DNAL4: variants seen among roughly 807,000 people sequenced by gnomAD.
DNAL4 encodes dynein light chain, outer arm 4.
In DNAL4, 10 loss-of-function variants were observed where a neutral mutation model predicts 12.6. The ratio of observed to expected loss-of-function variants is 0.79; its 90% CI spans 0.49 to 1.34. The LOEUF (loss-of-function observed/expected upper bound fraction) is 1.34, where lower values mean the gene tolerates loss of function less well. Among genes scored for constraint, DNAL4 ranks in the 40% most tolerant of loss-of-function variants. The pLI, the probability that DNAL4 is intolerant of heterozygous loss-of-function variation, is 0.00. For synonymous variants in DNAL4, 46 were observed against 53.1 expected (o/e 0.87, Z 0.58); for missense variants, 128 against 138.1 (o/e 0.93, Z 0.37).
At chr22:38,792,525 T>C (rs577026267) in intron 1 of DNAL4, among the ~76,000 whole-genome samples, 1 of 152,382 alleles carries the variant, frequency 6.6e-6, no homozygotes, top group African/African-American at 2.4e-5. Flanking sequence ...TCAGGTGATC[T>C]GCCTGTGTCG....
chr22:38,785,673 C>T (rs2093041224), intron 1 of DNAL4: 1 of 152,288 alleles, frequency 6.6e-6, no homozygotes, highest in Admixed American at 6.5e-5. Context: ...AGTGTGCAGG[C>T]ATGGAGACCA....
rs1438745771 is a variant in DNAL4 at position 38,782,662 on chromosome 22, C to A, written c.69+1G>T. Reference sequence around the variant, plus strand: ...TCCTGCCTCCCTCCCCTGGGGCTTACCCTGACCAGAGGGAAGGTCTGCAGT... The same window carrying A: ...TCCTGCCTCCCTCCCCTGGGGCTTAACCTGACCAGAGGGAAGGTCTGCAGT... On this transcript the variant is annotated splice_donor_variant, in intron 2 of 3. Coordinates refer to ENST00000216068, the MANE Select transcript of DNAL4 (RefSeq NM_005740.3). LOFTEE classifies it high-confidence loss of function. The surrounding 1 kb of genome is among the most constrained non-coding windows in gnomAD (Gnocchi z 5.1). The A allele has an allele frequency of 1.2e-6, 2 of 1,613,326 alleles. No homozygotes were observed. Among genetic ancestry groups the A allele is most frequent in the South Asian group, 2.2e-5 (2 of 90,938 alleles).
In DNAL4 at chr22:38,779,648, G is replaced by T; in HGVS notation, c.154-35C>A. On this transcript the variant is annotated intron_variant, in intron 3 of 3. Coordinates refer to ENST00000216068, the MANE Select transcript of DNAL4 (RefSeq NM_005740.3). This position sits in a 1 kb window ranked among gnomAD's most constrained non-coding sequence, Gnocchi z 4.3. ...AGAGGGCACTTATCAAGGGGGCGCA[G>T]GGCAGGTGGGGGCAGGAGTCAGGTC... The T allele has an allele frequency of 6.4e-7, 1 of 1,565,636 alleles. No individual in the cohort carries two copies. The highest frequency in any genetic ancestry group is 2.3e-5 in the East Asian group (1 of 42,768).
chr22:38,786,402 T>C (rs1692867144), intron 1 of DNAL4, among the ~76,000 whole-genome samples: 1 of 151,976 alleles, frequency 6.6e-6, no homozygotes, highest in African/African-American at 2.4e-5. Context: ...CTACTAAAAA[T>C]ATAAAAATTA....
chr22:38,786,238 C>A (rs1411454384), intron 1 of DNAL4, among the ~76,000 whole-genome samples: 1 of 152,206 alleles, frequency 6.6e-6, no homozygotes, highest in Non-Finnish European at 1.5e-5. Flanking sequence ...CAGAAAGAGT[C>A]ATGTCAGGTC....
At chr22:38,786,308 C>T (rs1484864857) in intron 1 of DNAL4, among the ~76,000 whole-genome samples, 1 of 152,190 alleles carries the variant, frequency 6.6e-6, no homozygotes, top group Non-Finnish European at 1.5e-5. Flanking sequence ...CCTGTAATCC[C>T]AGCACTTTGG....
chr22:38,780,849 G>T, intron 3 of DNAL4, 77 bp downstream of exon 3: 3 of 1,457,694 alleles, frequency 2.1e-6, no homozygotes, highest in Non-Finnish European at 2.9e-6. Flanking sequence ...GGAGCCAACT[G>T]CAGGGAACAG....
Position 38,779,743 on chromosome 22 carries a change from GTCC to G in DNAL4, c.154-133_154-131del, listed in dbSNP as rs1264789365. On this transcript the variant is annotated intron_variant, in intron 3 of 3. Coordinates refer to ENST00000216068, the MANE Select transcript of DNAL4 (RefSeq NM_005740.3). The surrounding 1 kb of genome is among the most constrained non-coding windows in gnomAD (Gnocchi z 4.3). ...AAAGGCCTGCTGTCCTATTTCTCTTGTCCTCCTGCTTCAAAAAGGGTTTCCACG... is the reference window on the plus strand; with the variant it reads ...AAAGGCCTGCTGTCCTATTTCTCTTGTCCTGCTTCAAAAAGGGTTTCCACG... 4 of 1,230,992 alleles carry G rather than the reference GTCC, an allele frequency of 3.2e-6. No homozygotes were observed. Among genetic ancestry groups the G allele is most frequent in the East Asian group, 5.1e-5 (2 of 38,954 alleles). The allele number at this position is 1,230,992 out of a possible 1,614,324, so 76.3% of individuals were successfully genotyped here.
rs1053986017 is a variant in DNAL4, at chr22:38,779,794, A to G, written c.154-181T>C. Among the ~76,000 whole-genome samples, 11 of 152,118 alleles carry G rather than the reference A, an allele frequency of 7.2e-5. No homozygotes were observed. The highest frequency in any genetic ancestry group is 2.2e-4 in the African/African-American group (9 of 41,416). On this transcript the variant is annotated intron_variant, in intron 3 of 3. Coordinates refer to ENST00000216068, the MANE Select transcript of DNAL4 (RefSeq NM_005740.3). The surrounding 1 kb of genome is among the most constrained non-coding windows in gnomAD (Gnocchi z 4.3). The stretch of plus-strand genomic sequence containing the variant: ...ACGCAGGCCACCTCCTGCCAGGTCT[A>G]TTACACAGGCACAGAAAACTAGACA...
At chr22:38,784,351 C>T (rs767795973) in intron 1 of DNAL4, among the ~76,000 whole-genome samples, 7 of 152,088 alleles carry the variant, frequency 4.6e-5, no homozygotes, top group Non-Finnish European at 7.4e-5. Flanking sequence ...GCCCGGCTGT[C>T]GGCATGGGCA....
At chr22:38,787,485 A>T (rs988445800) in intron 1 of DNAL4, among the ~76,000 whole-genome samples, 1 of 151,866 alleles carries the variant, frequency 6.6e-6, no homozygotes, top group Admixed American at 6.6e-5. Context: ...CAGGTGATCC[A>T]CCTGCCTCAG....
rs930425868 is a variant in DNAL4 at position 38,794,076 on chromosome 22, G to C, written c.-148C>G. ...GCGCCCCGGGGCCTCACCTGCTCCT[G>C]CGGGGGCCGGAGCCGGGGCCGCAGC... On this transcript the variant is annotated 5_prime_UTR_variant, in exon 1 of 4. Transcript: ENST00000216068. The C allele has an allele frequency of 1.3e-5, 2 of 152,360 alleles. No homozygotes were observed. The allele number at this position is 152,360 out of a possible 1,614,324, so 9.4% of individuals were successfully genotyped here.
intron 1 of DNAL4, among the ~76,000 whole-genome samples, chr22:38,785,153 C>T (rs1276485281): frequency 1.3e-5 from 2 of 152,154 alleles, no homozygotes; most frequent in Non-Finnish European, 1.5e-5. Flanking sequence ...GGTCAGGTTC[C>T]TTATTTCACA....
chr22:38,788,551 C>T (rs573610103), intron 1 of DNAL4, among the ~76,000 whole-genome samples: 2 of 152,302 alleles, frequency 1.3e-5, no homozygotes, highest in East Asian at 3.9e-4. Context: ...TCATGTCCGA[C>T]ACCATGTGAT....
At chr22:38,791,442 C>T (rs1041788674) in intron 1 of DNAL4, among the ~76,000 whole-genome samples, 66 of 152,002 alleles carry the variant, frequency 4.3e-4, no homozygotes, top group Admixed American at 1.3e-3. Context: ...CAACCTCCGC[C>T]GCCTGGGTTC....
chr22:38,789,465 G>A (rs1321246585), intron 1 of DNAL4, among the ~76,000 whole-genome samples: 3 of 151,840 alleles, frequency 2.0e-5, no homozygotes, highest in Admixed American at 1.3e-4. Context: ...TTGGAGAGAC[G>A]GGGTTTTGCC....
intron 1 of DNAL4, among the ~76,000 whole-genome samples, chr22:38,791,387 CTT>C (rs2060780659): frequency 6.6e-6 from 1 of 151,964 alleles, no homozygotes; most frequent in East Asian, 1.9e-4. Flanking sequence ...GAATCTTGCT[CTT>C]GTTCCCCAGG....
At position 38,782,263 on chromosome 22, in the gene DNAL4, GCTCT is replaced by G. The variant is rs1180384504; in HGVS notation, c.69+396_69+399del. Among the ~76,000 whole-genome samples the G allele has an allele frequency of 6.6e-6, 1 of 152,176 alleles. No homozygotes were observed. The highest frequency in any genetic ancestry group is 1.5e-5 in the Non-Finnish European group (1 of 68,036). ...TCTTCCCCAGGTCTTTGTGAGGTTT[GCTCT>G]CTGTCTTCAGGTCTCTGATCTGCAA... is the stretch of plus-strand genomic sequence containing the variant. On this transcript the variant is annotated intron_variant, in intron 2 of 3. Coordinates refer to ENST00000216068, the MANE Select transcript of DNAL4 (RefSeq NM_005740.3). The surrounding 1 kb of genome is among the most constrained non-coding windows in gnomAD (Gnocchi z 5.1).
Position 38,782,979 on chromosome 22 carries a change from G to A in DNAL4, c.-139-109C>T, listed in dbSNP as rs1458996232. On this transcript the variant is annotated intron_variant, in intron 1 of 3. Transcript: ENST00000216068. The surrounding 1 kb of genome is among the most constrained non-coding windows in gnomAD (Gnocchi z 5.1). ...GACACCTCCCCATCTTAACTCCTCC[G>A]CACCCTTTTCCAAATGGCCAGCAAG... 4 of 390,580 alleles carry A rather than the reference G, an allele frequency of 1.0e-5. No individual in the cohort carries two copies. The highest frequency in any genetic ancestry group is 2.1e-5 in the African/African-American group (1 of 47,118). The allele number at this position is 390,580 out of a possible 1,614,324, so 24.2% of individuals were successfully genotyped here. A position where few individuals can be genotyped will look rare whatever the true frequency, so the allele number is the denominator to read the frequency against.
Sources: gnomAD v4.1 joint callset for allele counts (sites outside exome capture counted in the v4.1 genomes callset) on GRCh38, gnomAD v4.1.1 for gene constraint, Gnocchi (gnomAD v3.1) non-coding constraint, MANE v1.5 for transcripts, NCBI Gene and HGNC (gene_info 2026-07-23, HGNC 2026-07-21) for gene names.